The following CNTN5 variants were observed in gnomAD, a reference collection of about 807,000 sequenced individuals.
CNTN5 encodes the protein contactin-5.
Under a neutral mutation model 129.1 loss-of-function variants are expected in CNTN5, and 77 were observed. That is an observed-to-expected ratio of 0.60 (90% confidence interval 0.50 to 0.72). The LOEUF is 0.72. Ranked by LOEUF, CNTN5 falls within the 30% of genes least tolerant of loss-of-function variation. The probability of loss-of-function intolerance (pLI) is 0.00; values close to 1 mark genes in which losing one functional copy is unlikely to be tolerated. For missense variants in CNTN5, 1,478 were observed against 1,328.8 expected (o/e 1.11, Z -1.75); for synonymous variants, 509 against 465.6 (o/e 1.09, Z -1.20).
At chr11:99,676,222 C>T (rs922257777) in intron 3 of CNTN5, among the ~76,000 whole-genome samples, 2 of 152,124 alleles carry the variant, frequency 1.3e-5, no homozygotes, top group Non-Finnish European at 2.9e-5. Context: ...CAGCCCTGCA[C>T]CACTGGTGCT....
chr11:100,158,315 T>C (rs774548095), intron 13 of CNTN5, among the ~76,000 whole-genome samples: 32 of 151,660 alleles, frequency 2.1e-4, no homozygotes, highest in Non-Finnish European at 4.3e-4. Context: ...GGAGATCTAA[T>C]GCACAGGATA....
rs114535978 is a variant in CNTN5, at chr11:99,706,125, G to T, written c.56-113419G>T. Among the ~76,000 whole-genome samples the T allele has an allele frequency of 3.2e-3, 479 of 151,512 alleles. 4 individuals are homozygous for T. Among genetic ancestry groups the T allele is most frequent in the African/African-American group, 0.011 (461 of 41,462 alleles). ...GCAAAGTTTATTTTATTACTGTGTGGCTAGTGCTGCTATCAATAAAAGAGG... is the reference window on the plus strand; with the variant it reads ...GCAAAGTTTATTTTATTACTGTGTGTCTAGTGCTGCTATCAATAAAAGAGG... On this transcript the variant is annotated intron_variant, in intron 3 of 24. Coordinates refer to ENST00000524871, the MANE Select transcript of CNTN5 (RefSeq NM_014361.4).
chr11:99,508,215 A>T (rs1946697288), intron 2 of CNTN5, among the ~76,000 whole-genome samples: 1 of 152,178 alleles, frequency 6.6e-6, no homozygotes, highest in Admixed American at 6.5e-5. Context: ...TAAAATGAAA[A>T]TAATAATATT....
chr11:100,013,561 A>T (rs1443196476), intron 9 of CNTN5, among the ~76,000 whole-genome samples: 2 of 152,178 alleles, frequency 1.3e-5, no homozygotes, highest in East Asian at 3.8e-4. Flanking sequence ...AGATTCCAAC[A>T]ACATCTCTGA....
At chr11:99,654,529 T>A (rs1952278220) in intron 3 of CNTN5, among the ~76,000 whole-genome samples, 1 of 152,054 alleles carries the variant, frequency 6.6e-6, no homozygotes, top group African/African-American at 2.4e-5. Flanking sequence ...GAAATCACAT[T>A]AAAAATGATG....
chr11:100,011,038 G>A (rs1342747805), intron 9 of CNTN5, among the ~76,000 whole-genome samples: 1 of 152,042 alleles, frequency 6.6e-6, no homozygotes, highest in African/African-American at 2.4e-5. Context: ...GATGCAGCAG[G>A]TGCTGAATAT....
At chr11:99,601,224 A>G (rs1006624560) in intron 3 of CNTN5, among the ~76,000 whole-genome samples, 2 of 152,218 alleles carry the variant, frequency 1.3e-5, no homozygotes, top group African/African-American at 2.4e-5. Context: ...AGATGTTGAA[A>G]GTGGAACTCA....
At chr11:99,324,555 C>G (rs11219383) in intron 1 of CNTN5, among the ~76,000 whole-genome samples, 47,904 of 151,982 alleles carry the variant, frequency 0.32, 7,639 homozygotes, top group Middle Eastern at 0.38. Flanking sequence ...GGTTTTCAAT[C>G]CTAATACATC....
At chr11:99,487,546 T>C (rs569719293) in intron 2 of CNTN5, among the ~76,000 whole-genome samples, 5 of 152,304 alleles carry the variant, frequency 3.3e-5, no homozygotes, top group Admixed American at 6.5e-5. Context: ...ATTTACAAAA[T>C]CAAACGTAAT....
intron 13 of CNTN5, among the ~76,000 whole-genome samples, chr11:100,161,852 C>T (rs1419502429): frequency 2.0e-5 from 3 of 149,446 alleles, no homozygotes; most frequent in African/African-American, 5.0e-5. Flanking sequence ...CACACACACA[C>T]ACACACACAC....
intron 1 of CNTN5, among the ~76,000 whole-genome samples, chr11:99,104,034 C>G (rs906273907): frequency 6.6e-6 from 1 of 152,084 alleles, no homozygotes; most frequent in African/African-American, 2.4e-5. Flanking sequence ...TCTTTTATGG[C>G]AGACCTAGGA....
intron 2 of CNTN5, among the ~76,000 whole-genome samples, chr11:99,347,106 T>G (rs1937945353): frequency 6.6e-6 from 1 of 152,116 alleles, no homozygotes; most frequent in African/African-American, 2.4e-5. Flanking sequence ...TCTTCCAGAG[T>G]TTTTACATCT....
chr11:99,844,706 T>C, intron 4 of CNTN5, 146 bp from the exon 5 acceptor site: 1 of 682,716 alleles, frequency 1.5e-6, no homozygotes, highest in Non-Finnish European at 2.4e-6. Flanking sequence ...AATGCAGTTT[T>C]CTAGCTATTC....
intron 3 of CNTN5, among the ~76,000 whole-genome samples, chr11:99,693,878 G>A (rs75828003): frequency 2.0e-5 from 3 of 152,054 alleles, no homozygotes; most frequent in African/African-American, 7.2e-5. Flanking sequence ...CCCTATTGAT[G>A]AAGGAGATAG....
chr11:100,289,844 T>C (rs1389949145), intron 18 of CNTN5, among the ~76,000 whole-genome samples: 2 of 150,108 alleles, frequency 1.3e-5, no homozygotes, highest in African/African-American at 4.9e-5. Context: ...ATGACATGAT[T>C]GTATATCTAG....
At chr11:100,337,253 CT>C (rs1340587708) in intron 21 of CNTN5, 1 of 1,484,494 alleles carries the variant, frequency 6.7e-7, no homozygotes, top group Non-Finnish European at 9.4e-7. Context: ...CACCTGAGAT[CT>C]TTTCAGAACA....
chr11:99,699,894 G>T (rs1435820577), intron 3 of CNTN5, among the ~76,000 whole-genome samples: 7 of 151,436 alleles, frequency 4.6e-5, no homozygotes, highest in African/African-American at 1.7e-4. Flanking sequence ...ACAATTACTT[G>T]ATTACACTTA....
chr11:100,304,463 T>C (rs1025706740), intron 20 of CNTN5, among the ~76,000 whole-genome samples: 1 of 151,594 alleles, frequency 6.6e-6, no homozygotes, highest in Non-Finnish European at 1.5e-5. Flanking sequence ...GCTGTGCAGC[T>C]ATGGTTCAAA....
rs190958601 is a variant in CNTN5 at position 99,583,837 on chromosome 11, C to T, written c.55+27568C>T. Among the ~76,000 whole-genome samples, 490 of 152,202 alleles carry T rather than the reference C, an allele frequency of 3.2e-3. 1 individual carries two copies. The highest frequency in any genetic ancestry group is 0.011 in the African/African-American group (472 of 41,534). On this transcript the variant is annotated intron_variant, in intron 3 of 24. Transcript: ENST00000524871. ...GGTGTGCTGCACCCACAGTCCTGCA[C>T]CTACTGTCTTGCACTCCCCAGTGAG...
Sources: allele counts gnomAD v4.1 joint callset (sites outside exome capture counted in the v4.1 genomes callset), GRCh38; gene constraint gnomAD v4.1.1; transcripts MANE v1.5; gene names NCBI Gene and HGNC (gene_info 2026-07-23, HGNC 2026-07-21).